The following SHROOM3 variants were observed in gnomAD, a reference collection of about 807,000 sequenced individuals.
The protein encoded by SHROOM3 is shroom family member 3.
Under a neutral mutation model 138.6 loss-of-function variants are expected in SHROOM3, and 47 were observed. The ratio of observed to expected loss-of-function variants is 0.34; its 90% confidence interval spans 0.27 to 0.43. The LOEUF (loss-of-function observed/expected upper bound fraction) is 0.43. SHROOM3 is among the 20% of genes least tolerant of loss of function. The pLI, the probability that SHROOM3 is intolerant of heterozygous loss-of-function variation, is 1.00. For missense variants in SHROOM3, 2,491 were observed against 2,596.5 expected, an observed-to-expected ratio of 0.96 and a Z score of 0.88; for synonymous variants, 1,062 against 1,063.3, an observed-to-expected ratio of 1.00 and a Z score of 0.02.
intron 2 of SHROOM3, among the ~76,000 whole-genome samples, chr4:76,588,006 G>C (rs1734187497): frequency 6.6e-6 from 1 of 152,030 alleles, no homozygotes; most frequent in Non-Finnish European, 1.5e-5. Flanking sequence ...TTTTTGTATG[G>C]AGAGGGATAA....
In SHROOM3 at chr4:76,756,898, T is replaced by C. The variant is rs747179340; in HGVS notation, c.5159T>C (p.Ile1720Thr). The change falls in exon 8 of 11, where the codon ATA (isoleucine) becomes ACA (threonine). Residue 1720 changes from isoleucine to threonine, a missense_variant. This residue lies in a region of SHROOM3 where 470 missense variants were observed against 595.0 expected (regional missense o/e 0.79). Coordinates refer to ENST00000296043, the MANE Select transcript of SHROOM3 (RefSeq NM_020859.4). ...LKENSVKRKA[I>T]QRTVSSSGCE... ...GAAAACAGTGTAAAGAGGAAGGCCA[T>C]ACAGAGAACTGTCAGCTCTTCAGGA... The C allele has an allele frequency of 2.5e-6, 4 of 1,614,004 alleles. No individual in the cohort carries two copies. The African/African-American group carries it at 5.3e-5, about 22-fold the overall frequency.
chr4:76,743,145 G>T (rs1721317164), intron 5 of SHROOM3, among the ~76,000 whole-genome samples: 1 of 152,182 alleles, frequency 6.6e-6, no homozygotes, highest in African/African-American at 2.4e-5. Flanking sequence ...GGGATTTTGG[G>T]CCAGGATGTA....
chr4:76,511,006 C>G (rs1214341960), intron 1 of SHROOM3, among the ~76,000 whole-genome samples: 8 of 152,034 alleles, frequency 5.3e-5, no homozygotes, highest in South Asian at 2.1e-4. Flanking sequence ...CATGGTGAAA[C>G]CCCGCCTGTA....
chr4:76,440,997 C>T (rs75933394), intron 1 of SHROOM3, among the ~76,000 whole-genome samples: 1,757 of 151,652 alleles, frequency 0.012, 31 homozygotes, highest in African/African-American at 0.04. Context: ...ATTTCATCAA[C>T]AGCTTTCCAT....
At chr4:76,672,775 T>C (rs1406778715) in intron 2 of SHROOM3, among the ~76,000 whole-genome samples, 1 of 152,188 alleles carries the variant, frequency 6.6e-6, no homozygotes, top group Non-Finnish European at 1.5e-5. Flanking sequence ...GGTTTCACCA[T>C]GTTAGCCAGG....
At chr4:76,777,598 G>C (rs1235103937) in intron 10 of SHROOM3, among the ~76,000 whole-genome samples, 2 of 152,030 alleles carry the variant, frequency 1.3e-5, no homozygotes, top group African/African-American at 4.8e-5. Flanking sequence ...TCTTTCTCTT[G>C]TCTGACTGCT....
intron 1 of SHROOM3, among the ~76,000 whole-genome samples, chr4:76,526,516 G>A (rs1319827406): frequency 6.6e-6 from 1 of 152,098 alleles, no homozygotes; most frequent in Non-Finnish European, 1.5e-5. Flanking sequence ...TAAAGACAGT[G>A]GGTCCCCTTT....
intron 2 of SHROOM3, among the ~76,000 whole-genome samples, chr4:76,696,495 T>C (rs1219592841): frequency 6.6e-6 from 1 of 152,102 alleles, no homozygotes; most frequent in Non-Finnish European, 1.5e-5. Context: ...TTGTCGTGGG[T>C]TCTATACCTT....
chr4:76,595,306 G>C (rs961465505), intron 2 of SHROOM3, among the ~76,000 whole-genome samples: 1 of 152,220 alleles, frequency 6.6e-6, no homozygotes, highest in African/African-American at 2.4e-5. Flanking sequence ...TTGAACGTCA[G>C]TTCCATTGCT....
chr4:76,655,822 C>T (rs11727631), intron 2 of SHROOM3, among the ~76,000 whole-genome samples: 55,026 of 151,970 alleles, frequency 0.36, 10,549 homozygotes, highest in East Asian at 0.51. Context: ...ATGTCACTGG[C>T]ATTTATCTCT....
intron 3 of SHROOM3, among the ~76,000 whole-genome samples, chr4:76,728,560 C>T (rs929941481): frequency 1.6e-4 from 25 of 152,224 alleles, no homozygotes; most frequent in African/African-American, 5.5e-4. Context: ...TTATCAGCAG[C>T]GTGAGAATGA....
rs549526536 is a variant in SHROOM3 at position 76,670,496 on chromosome 4, T to A, written c.324-39660T>A. 7.2e-5 allele frequency among the ~76,000 whole-genome samples: 11 copies of A among 152,260 alleles called. No individual in the cohort carries two copies. The South Asian group carries it at 2.3e-3, about 32-fold the overall frequency. On this transcript the variant is annotated intron_variant, in intron 2 of 10. Coordinates refer to ENST00000296043, the MANE Select transcript of SHROOM3 (RefSeq NM_020859.4). Reference sequence around the variant, plus strand: ...GTGATGAAAATGTCCTAAACCTGGATTATAGTGATGGTTGCAAAACTCTAT... The same window carrying A: ...GTGATGAAAATGTCCTAAACCTGGAATATAGTGATGGTTGCAAAACTCTAT...
intron 2 of SHROOM3, among the ~76,000 whole-genome samples, chr4:76,709,325 A>T (rs930304365): frequency 2.6e-5 from 4 of 152,174 alleles, no homozygotes; most frequent in Admixed American, 6.5e-5. Context: ...AAAATAAACC[A>T]CTGGTTCCCC....
chr4:76,767,138 T>C (rs1233645019), intron 9 of SHROOM3, among the ~76,000 whole-genome samples: 1 of 152,156 alleles, frequency 6.6e-6, no homozygotes, highest in Non-Finnish European at 1.5e-5. Context: ...TGAAGCCCGA[T>C]TGCAGTTTGG....
chr4:76,456,086 A>T (rs966947398), intron 1 of SHROOM3, among the ~76,000 whole-genome samples: 2 of 152,106 alleles, frequency 1.3e-5, no homozygotes, highest in Non-Finnish European at 2.9e-5. Context: ...GGCTCACTGC[A>T]ACCTCTGACT....
At chr4:76,709,772 A>G (rs1720175202) in intron 2 of SHROOM3, 5 of 282,334 alleles carry the variant, frequency 1.8e-5, no homozygotes, top group South Asian at 1.4e-4. Flanking sequence ...GTTTCAAACC[A>G]CCTCGTTTGA....
chr4:76,593,350 A>G (rs1180056230), intron 2 of SHROOM3, among the ~76,000 whole-genome samples: 1 of 152,216 alleles, frequency 6.6e-6, no homozygotes, highest in African/African-American at 2.4e-5. Context: ...AGGATTTGGC[A>G]TCCTACCAGA....
intron 10 of SHROOM3, among the ~76,000 whole-genome samples, chr4:76,778,516 C>G (rs1227423729): frequency 1.3e-5 from 2 of 152,098 alleles, no homozygotes; most frequent in Non-Finnish European, 2.9e-5. Flanking sequence ...GCCACCAAGC[C>G]CAGCTGATGA....
At chr4:76,717,937 A>G (rs1401041700) in intron 3 of SHROOM3, among the ~76,000 whole-genome samples, 1 of 152,162 alleles carries the variant, frequency 6.6e-6, no homozygotes, top group Non-Finnish European at 1.5e-5. Flanking sequence ...ACTTTTATCC[A>G]TATATAATCT....
Sources: gnomAD v4.1 joint callset for allele counts (sites outside exome capture counted in the v4.1 genomes callset) on GRCh38, gnomAD v4.1.1 for gene constraint, gnomAD v4.1.1 regional missense constraint, MANE v1.5 for transcripts, NCBI Gene and HGNC (gene_info 2026-07-23, HGNC 2026-07-21) for gene names.